Variants in HSF5 observed in about 807,000 individuals in gnomAD.
HSF5 encodes the protein heat shock factor protein 5.
In HSF5, 5 loss-of-function variants were observed where a neutral mutation model predicts 50.8. The ratio of observed to expected loss-of-function variants is 0.10; its 90% CI spans 0.05 to 0.21. The LOEUF is 0.21. HSF5 is among the 10% of genes least tolerant of loss of function. HSF5 has a pLI of 1.00. For missense variants in HSF5, 564 were observed against 762.6 expected, an observed-to-expected ratio of 0.74 and a Z score of 3.07; for synonymous variants, 307 against 307.4, an observed-to-expected ratio of 1.00 and a Z score of 0.02.
chr17:58,425,873 A>C (rs1425252893), intron 5 of HSF5, among the ~76,000 whole-genome samples: 2 of 152,170 alleles, frequency 1.3e-5, no homozygotes, highest in Non-Finnish European at 2.9e-5. Context: ...GACTTTTTAA[A>C]AATTACTGAT....
intron 5 of HSF5, among the ~76,000 whole-genome samples, chr17:58,447,258 A>G (rs1357765715): frequency 6.6e-6 from 1 of 152,186 alleles, no homozygotes; most frequent in Non-Finnish European, 1.5e-5. Flanking sequence ...TGGTGCTTCT[A>G]TACCTACCCT....
chr17:58,423,275 A>G lies in HSF5; in HGVS notation c.1721-845T>C, dbSNP rs114074187. Reference sequence around the variant, plus strand: ...CTGAACTGTCCATAAAAAAGAAAGCATGTCCTCACACAGTGGTTCATTAAG... The same window carrying G: ...CTGAACTGTCCATAAAAAAGAAAGCGTGTCCTCACACAGTGGTTCATTAAG... On this transcript the variant is annotated intron_variant, in intron 5 of 5. Transcript: ENST00000323777. Among the ~76,000 whole-genome samples the G allele has an allele frequency of 7.6e-3, 1,157 of 152,270 alleles. 15 individuals carry two copies. Among genetic ancestry groups the G allele is most frequent in the African/African-American group, 0.026 (1,065 of 41,512 alleles).
chr17:58,471,624 T>TC (rs1455204151), intron 2 of HSF5, among the ~76,000 whole-genome samples: 2 of 151,042 alleles, frequency 1.3e-5, no homozygotes. Context: ...TTTCTTTCTT[T>TC]TTTTTTTTTG....
At chr17:58,486,004 G>T (rs1276817028) in intron 1 of HSF5, among the ~76,000 whole-genome samples, 1 of 152,114 alleles carries the variant, frequency 6.6e-6, no homozygotes, top group Non-Finnish European at 1.5e-5. Flanking sequence ...GGGAGGCAGA[G>T]GTTGCAGTGA....
intron 5 of HSF5, among the ~76,000 whole-genome samples, chr17:58,450,338 C>CAAAAA (rs758990551): frequency 3.5e-4 from 18 of 51,948 alleles, no homozygotes; most frequent in Non-Finnish European, 3.5e-4. Flanking sequence ...GACTTTGTCT[C>CAAAAA]AAAAAAAAAA....
intron 3 of HSF5, among the ~76,000 whole-genome samples, chr17:58,464,569 T>C (rs887006303): frequency 6.6e-5 from 10 of 152,218 alleles, no homozygotes; most frequent in African/African-American, 2.4e-4. Context: ...CATTTTTCTA[T>C]TTCAAAATTT....
At chr17:58,448,133 C>CAAAAAAAAAAAAAAAAAAAAAAGAAA in intron 5 of HSF5, among the ~76,000 whole-genome samples, 1 of 82,040 alleles carries the variant, frequency 1.2e-5, no homozygotes, top group Non-Finnish European at 2.3e-5. Flanking sequence ...GAACCTGTCT[C>CAAAAAAAAAAAAAAAAAAAAAAGAAA]AAAAAAAAAA....
Position 58,488,333 on chromosome 17 carries a change from C to A in HSF5, c.-59G>T. 1.5e-6 allele frequency: 2 copies of A among 1,377,446 alleles called. No individual in the cohort carries two copies. The highest frequency in any genetic ancestry group is 1.9e-6 in the Non-Finnish European group (2 of 1,073,604). 85.3% of individuals were successfully genotyped at this position (1,377,446 alleles called of 1,614,324 possible). On this transcript the variant is annotated 5_prime_UTR_variant, in exon 1 of 6. Coordinates refer to ENST00000323777, the MANE Select transcript of HSF5 (RefSeq NM_001080439.3). The surrounding 1 kb of genome is among the most constrained non-coding windows in gnomAD (Gnocchi z 4.1). Reference sequence around the variant, plus strand: ...CTAGCTCTCCCACACCGTTCTCGATCCCTCCCCGGCCTTCGCCTCGCCCTG... The same window carrying A: ...CTAGCTCTCCCACACCGTTCTCGATACCTCCCCGGCCTTCGCCTCGCCCTG...
chr17:58,444,798 C>T (rs1974538074), intron 5 of HSF5, among the ~76,000 whole-genome samples: 1 of 152,144 alleles, frequency 6.6e-6, no homozygotes, highest in African/African-American at 2.4e-5. Flanking sequence ...AAAGGCAACT[C>T]ACAGAATGGG....
chr17:58,420,703 T>C lies in HSF5; in HGVS notation c.*1657A>G, dbSNP rs1254438034. ...TGGCCAAAAGATATAGGTGTCTTGA[T>C]AATTTGCTCTTTTAAACCTTGCTAA... is the stretch of plus-strand genomic sequence containing the variant. On this transcript the variant is annotated 3_prime_UTR_variant, in exon 6 of 6. Transcript: ENST00000323777. 1 of 152,226 alleles carries C rather than the reference T, an allele frequency of 6.6e-6. No individual in the cohort carries two copies. The highest frequency in any genetic ancestry group is 2.4e-5 in the African/African-American group (1 of 41,458). 9.4% of individuals were successfully genotyped at this position (152,226 alleles called of 1,614,324 possible).
intron 2 of HSF5, among the ~76,000 whole-genome samples, chr17:58,469,562 T>C (rs1329543487): frequency 6.6e-6 from 1 of 152,204 alleles, no homozygotes; most frequent in East Asian, 1.9e-4. Flanking sequence ...CTATTTTGTA[T>C]AGTCAACAAA....
intron 3 of HSF5, among the ~76,000 whole-genome samples, chr17:58,464,709 T>C (rs1974838219): frequency 1.3e-5 from 2 of 152,204 alleles, no homozygotes. Context: ...CTTGGCTCAC[T>C]GCAGCCTCCA....
Position 58,487,759 on chromosome 17 carries a change from C to T in HSF5, c.516G>A (p.Pro172=), listed in dbSNP as rs1652749737. 3 of 1,392,760 alleles carry T rather than the reference C, an allele frequency of 2.2e-6. No individual in the cohort carries two copies. The highest frequency in any genetic ancestry group is 2.8e-6 in the Non-Finnish European group (3 of 1,086,372). The allele number at this position is 1,392,760 out of a possible 1,614,324, so 86.3% of individuals were successfully genotyped here. ...AATAPLQHQQ[P]PPPAGPRPEP... ...CGGGCCGGGGCCCCGCGGGCGGCGG[C>T]GGCTGCTGGTGCTGCAGTGGCGCGG... Residue 172 remains proline, a synonymous_variant, in exon 1 of 6, where the codon CCG becomes CCA. Transcript: ENST00000323777.
At chr17:58,475,471 C>T (rs1380992018) in intron 2 of HSF5, among the ~76,000 whole-genome samples, 1 of 152,146 alleles carries the variant, frequency 6.6e-6, no homozygotes, top group Non-Finnish European at 1.5e-5. Context: ...CAGATTCTCC[C>T]ATTGAGTGGC....
chr17:58,480,629 TAA>T (rs1253813825), intron 1 of HSF5, among the ~76,000 whole-genome samples: 1 of 152,158 alleles, frequency 6.6e-6, no homozygotes, highest in East Asian at 1.9e-4. Context: ...AGCTACTTCC[TAA>T]AAGTTTTCCA....
At chr17:58,424,381 G>A (rs1333271764) in intron 5 of HSF5, among the ~76,000 whole-genome samples, 1 of 147,422 alleles carries the variant, frequency 6.8e-6, no homozygotes, top group East Asian at 1.9e-4. Context: ...GGGAGGCCGA[G>A]GCAGGCAGAT....
chr17:58,460,562 T>C (rs1598193675), intron 4 of HSF5, among the ~76,000 whole-genome samples: 1 of 149,424 alleles, frequency 6.7e-6, no homozygotes, highest in East Asian at 2.0e-4. Context: ...CAGGCTGGAG[T>C]GCAGTGGCGC....
intron 1 of HSF5, among the ~76,000 whole-genome samples, chr17:58,485,730 G>A (rs1191014264): frequency 7.4e-6 from 1 of 136,040 alleles, no homozygotes; most frequent in Non-Finnish European, 1.6e-5. Flanking sequence ...CTGGGGGACA[G>A]AGTGAAACCC....
At chr17:58,470,220 T>C (rs775566988) in intron 2 of HSF5, among the ~76,000 whole-genome samples, 4 of 152,188 alleles carry the variant, frequency 2.6e-5, no homozygotes, top group Non-Finnish European at 5.9e-5. Context: ...TGTACACCCA[T>C]GTTCAACACA....
Sources: allele counts gnomAD v4.1 joint callset (sites outside exome capture counted in the v4.1 genomes callset), GRCh38; gene constraint gnomAD v4.1.1; non-coding constraint Gnocchi (gnomAD v3.1); transcripts MANE v1.5; gene names NCBI Gene and HGNC (gene_info 2026-07-23, HGNC 2026-07-21).